Variants in CPD observed in about 807,000 individuals in gnomAD.
The protein encoded by CPD is metallocarboxypeptidase D.
A neutral mutation model predicts 138.3 loss-of-function variants in CPD; 69 were observed. The ratio of observed to expected loss-of-function variants is 0.50; its 90% CI spans 0.41 to 0.61. CPD has a LOEUF of 0.61. Among genes scored for constraint, CPD ranks in the 20% least tolerant of loss-of-function variants. The pLI is 0.00. For synonymous variants in CPD, 651 were observed against 642.1 expected, an observed-to-expected ratio of 1.01 and a Z score of -0.21; for missense variants, 1,432 against 1,733.3, an observed-to-expected ratio of 0.83 and a Z score of 3.09.
rs1203119074 is a variant in CPD at position 30,431,767 on chromosome 17, T to C, written c.2018-5T>C. The C allele has an allele frequency of 6.3e-7, 1 of 1,591,524 alleles. No homozygotes were observed. Among genetic ancestry groups the C allele is most frequent in the South Asian group, 1.1e-5 (1 of 89,986 alleles). ...CATGATACATTTTCCTCTTTTCCCT[T>C]ATAGGTTCTTTGGTGGTTAACTACC... On this transcript the variant is annotated splice_polypyrimidine_tract_variant and splice_region_variant and intron_variant, in intron 7 of 20. Coordinates refer to ENST00000225719, the MANE Select transcript of CPD (RefSeq NM_001304.5).
At chr17:30,436,133 T>C (rs1010400823) in intron 8 of CPD, among the ~76,000 whole-genome samples, 3 of 152,088 alleles carry the variant, frequency 2.0e-5, no homozygotes, top group African/African-American at 4.8e-5. Context: ...CCATAACATA[T>C]AACATCCAGG....
intron 1 of CPD, among the ~76,000 whole-genome samples, chr17:30,384,144 G>C (rs1210853857): frequency 1.3e-5 from 2 of 152,148 alleles, no homozygotes; most frequent in Non-Finnish European, 2.9e-5. Context: ...CTTCTACAGT[G>C]ATGTATTGGA....
At chr17:30,426,187 G>A (rs1055079703) in intron 6 of CPD, among the ~76,000 whole-genome samples, 3 of 140,444 alleles carry the variant, frequency 2.1e-5, no homozygotes, top group Non-Finnish European at 3.0e-5. Flanking sequence ...GCGACAAGGC[G>A]AGGCTCCGTC....
chr17:30,380,309 CA>C, intron 1 of CPD: 2 of 240,882 alleles, frequency 8.3e-6, no homozygotes, highest in Non-Finnish European at 1.5e-5. Context: ...CACTGGAGCC[CA>C]AAAATGGCAG....
intron 2 of CPD, among the ~76,000 whole-genome samples, chr17:30,385,730 T>G (rs1911167947): frequency 6.6e-6 from 1 of 151,298 alleles, no homozygotes; most frequent in Non-Finnish European, 1.5e-5. Flanking sequence ...ATTTCCCCCA[T>G]TATGTCCAAA....
intron 2 of CPD, among the ~76,000 whole-genome samples, chr17:30,416,742 T>C (rs1417557240): frequency 6.6e-6 from 1 of 152,216 alleles, no homozygotes; most frequent in Admixed American, 6.5e-5. Context: ...TACCTCCTCA[T>C]GAAGGCTTTT....
At chr17:30,409,296 A>C (rs544259266) in intron 2 of CPD, among the ~76,000 whole-genome samples, 1 of 152,308 alleles carries the variant, frequency 6.6e-6, no homozygotes, top group East Asian at 1.9e-4. Context: ...GACATTCATC[A>C]GGGATATTGG....
At position 30,446,097 on chromosome 17, in the gene CPD, A is replaced by G. The variant is rs143734241; in HGVS notation, c.2873+77A>G. The G allele has an allele frequency of 1.0e-3, 1,028 of 1,002,134 alleles. 6 individuals are homozygous for G. The African/African-American group carries it at 0.015, about 15-fold the overall frequency. 62.1% of individuals were successfully genotyped at this position (1,002,134 alleles called of 1,614,324 possible). A position where few individuals can be genotyped will look rare whatever the true frequency, so the allele number is the denominator to read the frequency against. ...GCATTAGCCATGTTGAATAGTTGTA[A>G]TTTATATAGAAATATTTGGGAACAG... On this transcript the variant is annotated intron_variant, in intron 12 of 20. Coordinates refer to ENST00000225719, the MANE Select transcript of CPD (RefSeq NM_001304.5).
At chr17:30,424,977 A>G (rs888062479) in intron 6 of CPD, among the ~76,000 whole-genome samples, 6 of 152,158 alleles carry the variant, frequency 3.9e-5, no homozygotes, top group Non-Finnish European at 8.8e-5. Flanking sequence ...TAGGCACAAG[A>G]TCTTACTTAT....
Position 30,468,464 on chromosome 17 carries a change from GTGCCCAACACCCATT to G in CPD, c.*3651_*3665del, listed in dbSNP as rs2143527821. ...AGCAATCTACAGCTGTTTATGTGAG[GTGCCCAACACCCATT>G]CATCTCAAGTGCTTCAGTCTTTGGT... On this transcript the variant is annotated 3_prime_UTR_variant, in exon 21 of 21. Transcript: ENST00000225719. The G allele has an allele frequency of 6.6e-6, 1 of 152,620 alleles. No homozygotes were observed. Among genetic ancestry groups the G allele is most frequent in the South Asian group, 2.1e-4 (1 of 4,824 alleles). The allele number at this position is 152,620 out of a possible 1,614,324, so 9.5% of individuals were successfully genotyped here.
intron 17 of CPD, 102 bp downstream of exon 17, chr17:30,456,628 G>C (rs1383258527): frequency 8.8e-7 from 1 of 1,141,520 alleles, no homozygotes; most frequent in Non-Finnish European, 1.3e-6. Context: ...GATTTTCTGA[G>C]TTTGGGAGTT....
chr17:30,438,952 A>G, intron 8 of CPD, 23 bp from the exon 9 acceptor site: 1 of 1,360,914 alleles, frequency 7.3e-7, no homozygotes, highest in Non-Finnish European at 1.0e-6. Context: ...AAATAGAAGT[A>G]AAGATTCTTT....
Position 30,379,585 on chromosome 17 carries a change from C to A in CPD, c.605C>A (p.Pro202Gln), listed in dbSNP as rs773078547. The change falls in exon 1 of 21, where the codon CCG becomes CAG. Residue 202 changes from proline (P) to glutamine (Q), a missense_variant. Physicochemically the swap from Pro to Gln is moderately conservative, Grantham distance 76. Around this residue, in one of 6 missense-constraint regions of CPD, gnomAD observed 484 missense variants for 477.2 expected, o/e 1.01. Transcript: ENST00000225719. This position sits in a 1 kb window ranked among gnomAD's most constrained non-coding sequence, Gnocchi z 7.0. Reference sequence around the variant, plus strand: ...GACTGTGGCTTCGGCGACGGCGGCCCGTCCGGGGCCAGCGGCCGCGACAAT... The same window carrying A: ...GACTGTGGCTTCGGCGACGGCGGCCAGTCCGGGGCCAGCGGCCGCGACAAT... The part of the protein sequence containing the change: ...EGDCGFGDGG[P>Q]SGASGRDNSR... 9.3e-6 allele frequency: 14 copies of A among 1,501,144 alleles called. No individual in the cohort carries two copies. Among genetic ancestry groups the A allele is most frequent in the Admixed American group, 2.7e-5 (1 of 37,620 alleles). 93.0% of individuals were successfully genotyped at this position (1,501,144 alleles called of 1,614,324 possible). A position where few individuals can be genotyped will look rare whatever the true frequency, so the allele number is the denominator to read the frequency against.
In CPD at chr17:30,379,665, C is replaced by G. The variant is rs530282755; in HGVS notation, c.685C>G (p.Pro229Ala). 1,091 of 1,521,694 alleles carry G rather than the reference C, an allele frequency of 7.2e-4. 2 individuals carry two copies. Among genetic ancestry groups the G allele is most frequent in the Admixed American group, 1.0e-3 (44 of 42,874 alleles). 94.3% of individuals were successfully genotyped at this position (1,521,694 alleles called of 1,614,324 possible). The stretch of plus-strand genomic sequence containing the variant: ...TCCCGACCAGTTTAGCACCGGCGAA[C>G]CCCCCGCCCTGGACGAGGTGCCCGA... ...SFPDQFSTGE[P>A]PALDEVPEVR... The change falls in exon 1 of 21, where the codon CCC becomes GCC. Residue 229 changes from proline to alanine, a missense_variant. Around this residue, in one of 6 missense-constraint regions of CPD, gnomAD observed 484 missense variants for 477.2 expected, o/e 1.01. Transcript: ENST00000225719. The surrounding 1 kb of genome is among the most constrained non-coding windows in gnomAD (Gnocchi z 7.0).
At chr17:30,447,621 G>A (rs1913064707) in intron 12 of CPD, 1 of 151,932 alleles carries the variant, frequency 6.6e-6, no homozygotes, top group African/African-American at 2.4e-5. Flanking sequence ...ACCTGTTAGG[G>A]ATTATGTGTA....
intron 2 of CPD, among the ~76,000 whole-genome samples, chr17:30,401,105 T>G (rs1009299648): frequency 1.3e-5 from 2 of 152,196 alleles, no homozygotes; most frequent in African/African-American, 4.8e-5. Flanking sequence ...CTGGCCTCCA[T>G]GGCTTCTGCT....
chr17:30,457,905 A>T (rs1913342123), intron 17 of CPD, among the ~76,000 whole-genome samples: 1 of 152,192 alleles, frequency 6.6e-6, no homozygotes, highest in South Asian at 2.1e-4. Flanking sequence ...TATTAATATA[A>T]AAGGCTGAGC....
intron 17 of CPD, among the ~76,000 whole-genome samples, chr17:30,459,941 T>C (rs1913423596): frequency 6.6e-6 from 1 of 152,226 alleles, no homozygotes; most frequent in Non-Finnish European, 1.5e-5. Context: ...CCCTCCTTTA[T>C]TTACTAAGAA....
chr17:30,461,384 T>C, intron 18 of CPD, 73 bp downstream of exon 18: 1 of 1,192,178 alleles, frequency 8.4e-7, no homozygotes. Context: ...CAAAACATTG[T>C]CTTTTACCAA....
Sources: allele counts gnomAD v4.1 joint callset (sites outside exome capture counted in the v4.1 genomes callset), GRCh38; gene constraint gnomAD v4.1.1; regional missense constraint gnomAD v4.1.1; non-coding constraint Gnocchi (gnomAD v3.1); transcripts MANE v1.5; gene names NCBI Gene and HGNC (gene_info 2026-07-23, HGNC 2026-07-21).